Variants in AGMO observed in about 807,000 individuals in gnomAD.
AGMO encodes the protein glyceryl-ether monooxygenase.
In AGMO, 75 loss-of-function variants were observed where a neutral mutation model predicts 60.2. The observed-to-expected ratio is 1.25, with a 90% confidence interval of 1.03 to 1.51. AGMO has a LOEUF of 1.51. Among genes scored for constraint, AGMO ranks in the 40% most tolerant of loss-of-function variants. AGMO has a pLI of 0.00. For missense variants in AGMO, 763 were observed against 525.5 expected, an observed-to-expected ratio of 1.45 and a Z score of -4.42; for synonymous variants, 261 against 177.1, an observed-to-expected ratio of 1.47 and a Z score of -3.76.
intron 12 of AGMO, among the ~76,000 whole-genome samples, chr7:15,336,484 T>C (rs1273034473): frequency 1.3e-5 from 2 of 152,078 alleles, no homozygotes; most frequent in Non-Finnish European, 2.9e-5. Flanking sequence ...TCATCTTGAA[T>C]CCCAAAATCA....
At chr7:15,197,757 T>G (rs1400230465), downstream of AGMO, among the ~76,000 whole-genome samples, 1 of 152,190 alleles carries the variant, frequency 6.6e-6, no homozygotes, top group African/African-American at 2.4e-5. Context: ...TCCTGAGAAC[T>G]TTTTTTGTAT....
chr7:15,284,614 T>C (rs577511630), intron 12 of AGMO, among the ~76,000 whole-genome samples: 9 of 152,146 alleles, frequency 5.9e-5, no homozygotes, highest in Middle Eastern at 3.4e-3. Context: ...CAGGGCCAGA[T>C]GGATCCACAG....
Position 15,366,043 on chromosome 7 carries a change from A to C in AGMO, c.1157+97T>G, listed in dbSNP as rs548703216. ...CCAAAATTTTATATTTATTTTTAAA[A>C]CTACACTAGTTACATAATATACTGG... On this transcript the variant is annotated intron_variant, in intron 11 of 12. Coordinates refer to ENST00000342526, the MANE Select transcript of AGMO (RefSeq NM_001004320.2). 2.2e-5 allele frequency: 18 copies of C among 823,958 alleles called. No homozygotes were observed. In the African/African-American group the frequency reaches 2.8e-4, roughly 13 times the overall value. The allele number at this position is 823,958 out of a possible 1,614,324, so 51.0% of individuals were successfully genotyped here.
intron 3 of AGMO, among the ~76,000 whole-genome samples, chr7:15,481,510 T>C (rs1782749463): frequency 6.6e-6 from 1 of 152,104 alleles, no homozygotes; most frequent in Admixed American, 6.5e-5. Flanking sequence ...CTGTAAGAGT[T>C]CTAAAGCATA....
intron 3 of AGMO, among the ~76,000 whole-genome samples, chr7:15,524,934 A>G (rs2128537565): frequency 6.6e-6 from 1 of 152,112 alleles, no homozygotes; most frequent in East Asian, 1.9e-4. Context: ...TAATATATAT[A>G]GAATTATATG....
chr7:15,368,535 C>G (rs1783075098), intron 10 of AGMO, among the ~76,000 whole-genome samples: 1 of 152,056 alleles, frequency 6.6e-6, no homozygotes, highest in Non-Finnish European at 1.5e-5. Flanking sequence ...CATTTTAAAG[C>G]CTCAGCTATG....
intron 12 of AGMO, among the ~76,000 whole-genome samples, chr7:15,342,779 CAAAAA>C (rs780336320): frequency 1.0e-3 from 63 of 61,664 alleles, no homozygotes; most frequent in South Asian, 4.0e-3. Flanking sequence ...AGTATAGCTG[CAAAAA>C]AAAAAAAAAA....
At chr7:15,539,039 T>G (rs1396608468) in intron 3 of AGMO, among the ~76,000 whole-genome samples, 1 of 152,236 alleles carries the variant, frequency 6.6e-6, no homozygotes, top group Non-Finnish European at 1.5e-5. Context: ...AACAAAATTT[T>G]GTAGCCTCAG....
intron 3 of AGMO, among the ~76,000 whole-genome samples, chr7:15,512,002 A>C (rs1783687088): frequency 1.8e-5 from 2 of 114,074 alleles, no homozygotes; most frequent in African/African-American, 5.9e-5. Flanking sequence ...TTAAGCCAAG[A>C]GAATACACAC....
chr7:15,339,243 AG>A (rs1445358888), intron 12 of AGMO, among the ~76,000 whole-genome samples: 1 of 152,204 alleles, frequency 6.6e-6, no homozygotes, highest in Non-Finnish European at 1.5e-5. Context: ...AAATATCTAC[AG>A]GGCCAGAATT....
At chr7:15,430,752 C>T (rs1781212050) in intron 4 of AGMO, among the ~76,000 whole-genome samples, 1 of 151,394 alleles carries the variant, frequency 6.6e-6, no homozygotes, top group African/African-American at 2.4e-5. Flanking sequence ...TAGCCATTCA[C>T]TTTCTCACAT....
At chr7:15,471,807 C>A (rs1583586708) in intron 3 of AGMO, among the ~76,000 whole-genome samples, 1 of 151,794 alleles carries the variant, frequency 6.6e-6, no homozygotes, top group Non-Finnish European at 1.5e-5. Context: ...AGGTACAGCT[C>A]TTATGTAAAG....
chr7:15,346,175 T>C (rs1349512684), intron 12 of AGMO, among the ~76,000 whole-genome samples: 1 of 152,134 alleles, frequency 6.6e-6, no homozygotes, highest in Non-Finnish European at 1.5e-5. Flanking sequence ...GAAACAGGCA[T>C]CTCAAACTGC....
chr7:15,141,308 G>A, the AGMO span, among the ~76,000 whole-genome samples: 67 of 152,232 alleles, frequency 4.4e-4, no homozygotes, highest in African/African-American at 1.5e-3. Flanking sequence ...TGTTGGCGGG[G>A]CACGGTGGCT....
At chr7:15,222,911 A>C (rs1321539409) in intron 12 of AGMO, among the ~76,000 whole-genome samples, 2 of 150,942 alleles carry the variant, frequency 1.3e-5, no homozygotes. Context: ...AGTTAACATT[A>C]ATATAATTAT....
At chr7:15,209,594 G>T (rs1583293663) in intron 12 of AGMO, among the ~76,000 whole-genome samples, 1 of 152,182 alleles carries the variant, frequency 6.6e-6, no homozygotes, top group East Asian at 1.9e-4. Context: ...CCCACATACG[G>T]CTTGCAGCTT....
Position 15,385,456 on chromosome 7 carries a change from G to A in AGMO, c.1064C>T (p.Ala355Val). Reference sequence around the variant, plus strand: ...ATGGATATTACTTACAGCTGTATCTGCAAAGGTCTCTTCATAAAATGCCAA... The same window carrying A: ...ATGGATATTACTTACAGCTGTATCTACAAAGGTCTCTTCATAAAATGCCAA... Reference protein sequence around the residue: ...LMLAFYEETFADTAALSQVTL... With the variant: ...LMLAFYEETFVDTAALSQVTL... The change falls in exon 10 of 13, where the codon GCA becomes GTA. Residue 355 changes from alanine to valine, a missense_variant. Transcript: ENST00000342526. 3 of 1,580,290 alleles carry A rather than the reference G, an allele frequency of 1.9e-6. No homozygotes were observed. Among genetic ancestry groups the A allele is most frequent in the South Asian group, 2.2e-5 (2 of 90,096 alleles).
intron 12 of AGMO, among the ~76,000 whole-genome samples, chr7:15,258,630 C>T (rs1783174104): frequency 6.6e-6 from 1 of 152,094 alleles, no homozygotes; most frequent in African/African-American, 2.4e-5. Flanking sequence ...AAAACCAGTG[C>T]ACTAAACAAA....
intron 12 of AGMO, among the ~76,000 whole-genome samples, chr7:15,300,840 C>T (rs908602793): frequency 6.6e-6 from 1 of 152,094 alleles, no homozygotes; most frequent in South Asian, 2.1e-4. Context: ...CAAACAACAG[C>T]AAGCACTCTC....
Sources: allele counts gnomAD v4.1 joint callset (sites outside exome capture counted in the v4.1 genomes callset), GRCh38; gene constraint gnomAD v4.1.1; transcripts MANE v1.5; gene names NCBI Gene and HGNC (gene_info 2026-07-23, HGNC 2026-07-21).